MEGF6: variants seen among roughly 807,000 people sequenced by gnomAD.
The protein encoded by MEGF6 is multiple epidermal growth factor-like domains protein 6.
In MEGF6, 184 loss-of-function variants were observed where a neutral mutation model predicts 207.1. The observed-to-expected ratio is 0.89, with a 90% confidence interval of 0.79 to 1.00. The LOEUF is 1.00. Ranked by LOEUF, MEGF6 falls within the 50% of genes least tolerant of loss-of-function variation. The probability of loss-of-function intolerance (pLI) is 0.00; values close to 1 mark genes in which losing one functional copy is unlikely to be tolerated. For synonymous variants in MEGF6, 1,038 were observed against 910.0 expected, an observed-to-expected ratio of 1.14 and a Z score of -2.53; for missense variants, 2,282 against 2,202.9, an observed-to-expected ratio of 1.04 and a Z score of -0.72.
chr1:3,599,685 C>T (rs539386796), intron 2 of MEGF6, among the ~76,000 whole-genome samples: 4 of 152,318 alleles, frequency 2.6e-5, no homozygotes, highest in East Asian at 1.9e-4. Flanking sequence ...AGTCTCGGCC[C>T]GGCTGGCGAG....
At chr1:3,541,844 T>C (rs1166171377) in intron 4 of MEGF6, among the ~76,000 whole-genome samples, 4 of 152,040 alleles carry the variant, frequency 2.6e-5, no homozygotes, top group African/African-American at 9.7e-5. Flanking sequence ...GGGGAGTCTC[T>C]GGTGGTCCCT....
In MEGF6 at chr1:3,581,141, C is replaced by A. The variant is rs936542713; in HGVS notation, c.377-1212G>T. Among the ~76,000 whole-genome samples the A allele has an allele frequency of 2.0e-5, 3 of 152,242 alleles. No homozygotes were observed. In the East Asian group the frequency reaches 5.8e-4, roughly 29 times the overall value. On this transcript the variant is annotated intron_variant, in intron 3 of 36. Transcript: ENST00000356575. ...GCCATGACCGGCTCGGGCTTCAGGG[C>A]CTATGTGGCCATCCTGTTTACAGAT...
intron 17 of MEGF6, among the ~76,000 whole-genome samples, chr1:3,504,161 C>T (rs1195500944): frequency 1.3e-5 from 2 of 151,884 alleles, no homozygotes; most frequent in Admixed American, 6.5e-5. Context: ...AGGGGGCTGG[C>T]GCCGGGCTTC....
intron 14 of MEGF6, among the ~76,000 whole-genome samples, chr1:3,506,704 G>GC (rs1641132570): frequency 6.6e-6 from 1 of 152,174 alleles, no homozygotes; most frequent in Non-Finnish European, 1.5e-5. Context: ...GCTGGGTCCT[G>GC]CCCCACGTCC....
rs545097476 is a variant in MEGF6 at position 3,602,574 on chromosome 1, A to G, written c.158T>C (p.Leu53Pro). The G allele has an allele frequency of 5.2e-5, 84 of 1,612,014 alleles. 3 individuals are homozygous for G. The South Asian group carries it at 7.8e-4, about 15-fold the overall frequency. Residue 53 changes from leucine to proline, a missense_variant, in exon 2 of 37, where the codon CTG becomes CCG. Coordinates refer to ENST00000356575, the MANE Select transcript of MEGF6 (RefSeq NM_001409.4). Reference sequence around the variant, plus strand: ...CGGCTGGCGGCGGCCCACCAGGGTCAGCTCCTGCTCAGCACACACGTGGGG... The same window carrying G: ...CGGCTGGCGGCGGCCCACCAGGGTCGGCTCCTGCTCAGCACACACGTGGGG... ...GMPHVCAEQELTLVGRRQPCV... is the reference protein window; with the variant it reads ...GMPHVCAEQEPTLVGRRQPCV...
chr1:3,545,805 A>C (rs1467558738), intron 4 of MEGF6, among the ~76,000 whole-genome samples: 2 of 152,188 alleles, frequency 1.3e-5, no homozygotes, highest in Non-Finnish European at 2.9e-5. Flanking sequence ...GGGTCACAGA[A>C]GCTTCTCCCC....
chr1:3,524,656 G>A (rs909704145), intron 4 of MEGF6, among the ~76,000 whole-genome samples: 1 of 152,192 alleles, frequency 6.6e-6, no homozygotes, highest in Non-Finnish European at 1.5e-5. Flanking sequence ...CTTTTGAGAC[G>A]GCCATGCCCA....
chr1:3,542,147 G>T (rs147416652), intron 4 of MEGF6, among the ~76,000 whole-genome samples: 1 of 152,230 alleles, frequency 6.6e-6, no homozygotes, highest in African/African-American at 2.4e-5. Flanking sequence ...GGGGTCAGCC[G>T]GGGTGGGAGC....
intron 3 of MEGF6, among the ~76,000 whole-genome samples, chr1:3,585,058 G>C (rs1043677509): frequency 6.8e-6 from 1 of 147,516 alleles, no homozygotes; most frequent in Non-Finnish European, 1.5e-5. Context: ...GGGAGTGAGT[G>C]ACACGTGTCC....
intron 5 of MEGF6, among the ~76,000 whole-genome samples, chr1:3,518,834 G>C (rs1360432130): frequency 6.6e-6 from 1 of 152,094 alleles, no homozygotes; most frequent in Admixed American, 6.5e-5. Flanking sequence ...GGGCCAGGAT[G>C]GCAGGCTGGG....
chr1:3,595,529 A>ACTCTG, intron 2 of MEGF6, 82 bp from the exon 3 acceptor site: 2 of 1,223,596 alleles, frequency 1.6e-6, no homozygotes, highest in Non-Finnish European at 2.4e-6. Context: ...GGGGAGACTG[A>ACTCTG]CTCTGCGTCA....
intron 26 of MEGF6, among the ~76,000 whole-genome samples, chr1:3,498,009 T>C (rs1238857703): frequency 3.3e-5 from 5 of 152,084 alleles, no homozygotes; most frequent in Admixed American, 2.0e-4. Context: ...AGACTCCCAC[T>C]GGCAGGAGGC....
chr1:3,498,186 C>T (rs1292077340), intron 26 of MEGF6, among the ~76,000 whole-genome samples, 185 bp downstream of exon 26: 1 of 152,302 alleles, frequency 6.6e-6, no homozygotes, highest in African/African-American at 2.4e-5. Context: ...CCCCACAGGC[C>T]AGCTTCCTAG....
chr1:3,493,894 C>T lies in MEGF6; in HGVS notation c.4264G>A (p.Glu1422Lys), dbSNP rs1640483574. ...CAGCCCTCTCCAAATGAACCTGGCT[C>T]ACACCCTGGTGGGGGCAGTGGGCTC... ...FHGHFCERGC[E>K]PGSFGEGCHQ... is the part of the protein sequence containing the mutation. The change falls in exon 34 of 37, where the codon GAG (glutamate) becomes AAG (lysine). Residue 1422 changes from glutamate (E) to lysine (K), a missense_variant. Transcript: ENST00000356575. 2 of 1,591,092 alleles carry T rather than the reference C, an allele frequency of 1.3e-6. No homozygotes were observed. The highest frequency in any genetic ancestry group is 8.6e-7 in the Non-Finnish European group (1 of 1,169,366).
chr1:3,499,643 G>C lies in MEGF6; in HGVS notation c.2910C>G (p.Ala970=), dbSNP rs376512338. The part of the protein sequence containing the change: ...CNCTAGAACD[A]VNGSCLCPAG... The stretch of plus-strand genomic sequence containing the variant: ...CGGGGCAGAGGCAGGAGCCATTCAC[G>C]GCATCACAGGCAGCTCCGGCGGTGC... Residue 970 remains alanine (A), a synonymous_variant, in exon 23 of 37, where the codon GCC becomes GCG. Coordinates refer to ENST00000356575, the MANE Select transcript of MEGF6 (RefSeq NM_001409.4). 6.3e-7 allele frequency: 1 copy of C among 1,593,988 alleles called. No individual in the cohort carries two copies. Among genetic ancestry groups the C allele is most frequent in the East Asian group, 2.3e-5 (1 of 44,006 alleles).
In MEGF6 at chr1:3,517,969, C is replaced by T. The variant is rs550935106; in HGVS notation, c.605-2442G>A. ...ATGGTCAGCATGCATAATCGCACCG[C>T]GTGCTTCCGCAATCCGGCCCGACAT... is the stretch of plus-strand genomic sequence containing the variant. On this transcript the variant is annotated intron_variant, in intron 5 of 36. Coordinates refer to ENST00000356575, the MANE Select transcript of MEGF6 (RefSeq NM_001409.4). 6.6e-5 allele frequency among the ~76,000 whole-genome samples: 10 copies of T among 152,356 alleles called. No homozygotes were observed. In the East Asian group the frequency reaches 7.7e-4, roughly 12 times the overall value.
At chr1:3,587,090 A>C (rs1488147627) in intron 3 of MEGF6, among the ~76,000 whole-genome samples, 1 of 152,218 alleles carries the variant, frequency 6.6e-6, no homozygotes, top group Non-Finnish European at 1.5e-5. Flanking sequence ...TTAGAGTCAG[A>C]CTCTATTTCA....
intron 4 of MEGF6, among the ~76,000 whole-genome samples, chr1:3,571,986 C>T (rs543058176): frequency 7.4e-4 from 95 of 127,640 alleles, no homozygotes; most frequent in African/African-American, 2.9e-3. Context: ...CCTGGGTGTG[C>T]TGGGTTCTCC....
intron 4 of MEGF6, chr1:3,531,331 C>A: frequency 1.6e-6 from 2 of 1,223,148 alleles, no homozygotes; most frequent in Non-Finnish European, 2.0e-6. Flanking sequence ...GCAGGCGGCT[C>A]GGGCTGGTTC....
Sources: gnomAD v4.1 joint callset for allele counts (sites outside exome capture counted in the v4.1 genomes callset) on GRCh38, gnomAD v4.1.1 for gene constraint, MANE v1.5 for transcripts, NCBI Gene and HGNC (gene_info 2026-07-23, HGNC 2026-07-21) for gene names.